SYDE2: variants seen among roughly 807,000 people sequenced by gnomAD.
SYDE2 encodes rho GTPase-activating protein SYDE2.
SYDE2 carries 76 observed loss-of-function variants against 91.5 expected under a neutral mutation model. That is an observed-to-expected ratio of 0.83 (90% CI 0.69 to 1.01). SYDE2 has a LOEUF of 1.01. SYDE2 is among the 50% of genes least tolerant of loss of function. The pLI is 0.00. For missense variants in SYDE2, 1,364 were observed against 1,367.7 expected (o/e 1.00, Z 0.04); for synonymous variants, 513 against 506.4 (o/e 1.01, Z -0.18).
chr1:85,189,847 T>A (rs969554853), intron 2 of SYDE2, among the ~76,000 whole-genome samples: 2 of 151,938 alleles, frequency 1.3e-5, no homozygotes, highest in African/African-American at 4.8e-5. Flanking sequence ...AAAAATAAAA[T>A]AAAAATCAAG....
intron 1 of SYDE2, among the ~76,000 whole-genome samples, chr1:85,194,093 AATTT>A (rs1433660564): frequency 7.2e-5 from 11 of 151,990 alleles, no homozygotes; most frequent in Non-Finnish European, 1.5e-4. Flanking sequence ...ACAAAGGCCA[AATTT>A]ATTTATTAAA....
In SYDE2 at chr1:85,182,186, T is replaced by G. The variant is rs1181309839; in HGVS notation, c.2456A>C (p.Gln819Pro). 1 of 1,607,156 alleles carries G rather than the reference T, an allele frequency of 6.2e-7. No homozygotes were observed. The highest frequency in any genetic ancestry group is 1.3e-5 in the African/African-American group (1 of 74,780). ...QEPIIFGVDI[Q>P]KVVEKENIGL... is the part of the protein sequence containing the mutation. ...TATATTTTCTTTCTCTACAACTTTT[T>G]GAATATCAACTCCAAATATTATTGG... The change falls in exon 3 of 7, where the codon CAA becomes CCA. Residue 819 changes from glutamine (Q) to proline (P), a missense_variant. Transcript: ENST00000341460.
Position 85,158,787 on chromosome 1 carries a change from C to A in SYDE2, c.3548G>T (p.Arg1183Leu), listed in dbSNP as rs200644067. 1.3e-6 allele frequency: 1 copy of A among 760,304 alleles called. No individual in the cohort carries two copies. Among genetic ancestry groups the A allele is most frequent in the Admixed American group, 1.9e-5 (1 of 53,916 alleles). 47.1% of individuals were successfully genotyped at this position (760,304 alleles called of 1,614,324 possible). The part of the protein sequence containing the change: ...SIDTLIGNLE[R>L]ELNKNKLNMS... ...ATTAAGCTTGTTTTTGTTGAGCTCACGTTCCAGATTTCCAATCAAAGTATC... is the reference window on the plus strand; with the variant it reads ...ATTAAGCTTGTTTTTGTTGAGCTCAAGTTCCAGATTTCCAATCAAAGTATC... Residue 1183 changes from arginine (R) to leucine (L), a missense_variant, in exon 7 of 7, where the codon CGT becomes CTT. Transcript: ENST00000341460.
At chr1:85,154,523 A>G (rs930024902), downstream of SYDE2, among the ~76,000 whole-genome samples, 1 of 148,128 alleles carries the variant, frequency 6.8e-6, no homozygotes, top group African/African-American at 2.5e-5. Flanking sequence ...CGTTAACAGG[A>G]CATTATAAGA....
chr1:85,197,797 G>T (rs1658646823), intron 1 of SYDE2, among the ~76,000 whole-genome samples: 1 of 152,046 alleles, frequency 6.6e-6, no homozygotes, highest in African/African-American at 2.4e-5. Flanking sequence ...TGGGACTACA[G>T]GCACCCACCA....
In SYDE2 at chr1:85,159,100, G is replaced by A. The variant is rs1436142268; in HGVS notation, c.3235C>T (p.Arg1079Ter). 3.8e-6 allele frequency: 3 copies of A among 780,694 alleles called. No homozygotes were observed. Among genetic ancestry groups the A allele is most frequent in the East Asian group, 4.8e-5 (2 of 41,246 alleles). The allele number at this position is 780,694 out of a possible 1,614,324, so 48.4% of individuals were successfully genotyped here. The change falls in exon 7 of 7, where the codon CGA (arginine) becomes TGA (stop). Residue 1079 changes from arginine (R) to a stop codon, truncating the protein, a stop_gained. Transcript: ENST00000341460. LOFTEE classifies it high-confidence loss of function. ...SSGVLRPRQN[R>*]LDSPLSNRYA... ...CGATTGCTAAGTGGACTGTCTAATC[G>A]GTTTTGCCTTGGCCTAAGTACTCCT...
chr1:85,181,092 T>A (rs1657898358), intron 3 of SYDE2: 1 of 148,732 alleles, frequency 6.7e-6, no homozygotes, highest in South Asian at 2.1e-4. Context: ...AGAGGGGAAG[T>A]TTCAATAGTT....
intron 1 of SYDE2, among the ~76,000 whole-genome samples, chr1:85,199,164 T>C (rs571895505): frequency 6.6e-6 from 1 of 152,314 alleles, no homozygotes; most frequent in African/African-American, 2.4e-5. Flanking sequence ...TCCTGTAGGA[T>C]TTATAATTAC....
intron 6 of SYDE2, chr1:85,161,072 C>T: frequency 1.0e-6 from 1 of 984,678 alleles, no homozygotes; most frequent in Middle Eastern, 5.2e-4. Context: ...CTAATTTTAA[C>T]CTCAAAAGTT....
At chr1:85,198,497 A>G (rs1199949669) in intron 1 of SYDE2, among the ~76,000 whole-genome samples, 1 of 152,244 alleles carries the variant, frequency 6.6e-6, no homozygotes, top group Non-Finnish European at 1.5e-5. Context: ...GAGTTGTTTA[A>G]ACCAGAGATT....
At chr1:85,188,855 T>C (rs181481566) in intron 2 of SYDE2, among the ~76,000 whole-genome samples, 2 of 152,280 alleles carry the variant, frequency 1.3e-5, no homozygotes, top group African/African-American at 2.4e-5. Flanking sequence ...CCCATTTAAA[T>C]AGTAATAAAA....
intron 5 of SYDE2, among the ~76,000 whole-genome samples, chr1:85,165,995 T>C (rs186849582): frequency 5.4e-4 from 80 of 148,116 alleles, no homozygotes; most frequent in African/African-American, 1.9e-3. Flanking sequence ...CACCCCAGCC[T>C]CCCAAGTAGC....
In SYDE2 at chr1:85,200,547, G is replaced by T. The variant is rs1486935657; in HGVS notation, c.450C>A (p.His150Gln). ...TGLQPPGCKD[H>Q]GCSSGSPFRD... ...TGAAAGGGCTTCCCGAGGAGCAGCCGTGGTCCTTGCAGCCTGGAGGCTGGA... is the reference window on the plus strand; with the variant it reads ...TGAAAGGGCTTCCCGAGGAGCAGCCTTGGTCCTTGCAGCCTGGAGGCTGGA... The change falls in exon 1 of 7, where the codon CAC (histidine) becomes CAA (glutamine). Residue 150 changes from histidine to glutamine, a missense_variant. Transcript: ENST00000341460. 21 of 1,610,490 alleles carry T rather than the reference G, an allele frequency of 1.3e-5. No homozygotes were observed. Among genetic ancestry groups the T allele is most frequent in the Non-Finnish European group, 1.6e-5 (19 of 1,179,240 alleles).
At position 85,165,530 on chromosome 1, in the gene SYDE2, G is replaced by A. The variant is rs116383933; in HGVS notation, c.2854-773C>T. ...CATGGCCAGGTTCTATAATGATTTG[G>A]ATTATGAAAGACATGTTTAAAAGGC... On this transcript the variant is annotated intron_variant, in intron 5 of 6. Transcript: ENST00000341460. Among the ~76,000 whole-genome samples the A allele has an allele frequency of 8.7e-3, 1,326 of 151,850 alleles. 19 individuals are homozygous for A. The highest frequency in any genetic ancestry group is 0.03 in the African/African-American group (1,260 of 41,424).
intron 2 of SYDE2, among the ~76,000 whole-genome samples, chr1:85,187,629 A>G (rs976371164): frequency 5.3e-5 from 8 of 151,412 alleles, no homozygotes; most frequent in Middle Eastern, 3.4e-3. Context: ...ATGTCCAACA[A>G]TGATAGACTG....
intron 5 of SYDE2, among the ~76,000 whole-genome samples, chr1:85,165,676 T>A (rs1367249949): frequency 6.6e-6 from 1 of 150,974 alleles, no homozygotes; most frequent in Non-Finnish European, 1.5e-5. Flanking sequence ...CCAAAAAAAA[T>A]ATTTTTTAAT....
chr1:85,170,206 TC>T (rs1657454973), intron 4 of SYDE2, among the ~76,000 whole-genome samples: 1 of 147,312 alleles, frequency 6.8e-6, no homozygotes, highest in Non-Finnish European at 1.5e-5. Flanking sequence ...GCTCAAGCAA[TC>T]CTCCCACCTC....
intron 6 of SYDE2, chr1:85,160,037 TTG>T (rs746028720): frequency 1.5e-5 from 15 of 984,556 alleles, no homozygotes; most frequent in Non-Finnish European, 1.8e-5. Flanking sequence ...AGGTTTACTC[TTG>T]TGTGTTGAAC....
At chr1:85,185,805 T>C (rs896190930) in intron 2 of SYDE2, among the ~76,000 whole-genome samples, 4 of 152,074 alleles carry the variant, frequency 2.6e-5, no homozygotes, top group African/African-American at 9.7e-5. Context: ...TTCTCCTGCC[T>C]AATTGCCCTG....
Sources: gnomAD v4.1 joint callset for allele counts (sites outside exome capture counted in the v4.1 genomes callset) on GRCh38, gnomAD v4.1.1 for gene constraint, MANE v1.5 for transcripts, NCBI Gene and HGNC (gene_info 2026-07-23, HGNC 2026-07-21) for gene names.